MYO18B: variants seen among roughly 807,000 people sequenced by gnomAD.
MYO18B encodes the protein myosin XVIIIB.
A neutral mutation model predicts 273.0 loss-of-function variants in MYO18B; 204 were observed. That is an observed-to-expected ratio of 0.75 (90% confidence interval 0.67 to 0.84). MYO18B has a LOEUF of 0.84. MYO18B is among the 40% of genes least tolerant of loss of function. The pLI, the probability that MYO18B is intolerant of heterozygous loss-of-function variation, is 0.00. For synonymous variants in MYO18B, 1,330 were observed against 1,305.7 expected (o/e 1.02, Z -0.40); for missense variants, 3,212 against 3,287.6 (o/e 0.98, Z 0.56).
intron 42 of MYO18B, among the ~76,000 whole-genome samples, chr22:26,010,530 C>A (rs1047798836): frequency 3.3e-5 from 5 of 152,198 alleles, no homozygotes; most frequent in African/African-American, 1.2e-4. Flanking sequence ...CTCAGCCCCT[C>A]CACCGTTAAA....
At chr22:25,904,072 TC>T (rs570211742) in intron 31 of MYO18B, among the ~76,000 whole-genome samples, 67 of 152,300 alleles carry the variant, frequency 4.4e-4, no homozygotes, top group African/African-American at 1.5e-3. Context: ...TGCAAATAGC[TC>T]CCACTAGGTT....
chr22:25,898,333 C>T lies in MYO18B; in HGVS notation c.4695C>T (p.Asp1565=), dbSNP rs774794668. The T allele has an allele frequency of 3.8e-5, 61 of 1,613,628 alleles. No individual in the cohort carries two copies. The highest frequency in any genetic ancestry group is 1.5e-4 in the African/African-American group (11 of 74,884). The change falls in exon 29 of 44, where the codon GAC becomes GAT. Residue 1565 remains aspartate, a synonymous_variant. Coordinates refer to ENST00000335473, the MANE Select transcript of MYO18B (RefSeq NM_032608.7). The part of the protein sequence containing the change: ...QKLGELQSAY[D]GAKKMAHQLK... ...TTGGGGAGTTGCAAAGTGCTTATGACGGGGCCAAGAAGATGGCTCACCAAC... is the reference window on the plus strand; with the variant it reads ...TTGGGGAGTTGCAAAGTGCTTATGATGGGGCCAAGAAGATGGCTCACCAAC...
At chr22:26,039,331 A>G in the MYO18B span, among the ~76,000 whole-genome samples, 2 of 152,118 alleles carry the variant, frequency 1.3e-5, no homozygotes, top group African/African-American at 2.4e-5. Flanking sequence ...CAATCCTAGC[A>G]TGATCTTTCT....
chr22:25,803,892 A>G (rs2088331795), intron 12 of MYO18B, among the ~76,000 whole-genome samples: 1 of 150,162 alleles, frequency 6.7e-6, no homozygotes, highest in African/African-American at 2.5e-5. Flanking sequence ...CTAGCCAATT[A>G]CTCTGAACTT....
At chr22:25,865,742 T>C (rs911347216) in intron 21 of MYO18B, among the ~76,000 whole-genome samples, 2 of 152,122 alleles carry the variant, frequency 1.3e-5, no homozygotes, top group African/African-American at 2.4e-5. Flanking sequence ...TGATTTTTTT[T>C]CCCCCAAAAC....
the MYO18B span, among the ~76,000 whole-genome samples, chr22:26,039,151 A>G: frequency 6.6e-6 from 1 of 152,150 alleles, no homozygotes; most frequent in Non-Finnish European, 1.5e-5. Context: ...AGCTGATTAG[A>G]TGGTGCCCAG....
intron 21 of MYO18B, among the ~76,000 whole-genome samples, chr22:25,858,276 A>G (rs1042806015): frequency 1.3e-5 from 2 of 152,234 alleles, no homozygotes; most frequent in African/African-American, 4.8e-5. Context: ...GACCATAGGC[A>G]ACATATAGTA....
chr22:25,846,895 C>T (rs1015781055), intron 19 of MYO18B, among the ~76,000 whole-genome samples: 1 of 152,100 alleles, frequency 6.6e-6, no homozygotes, highest in African/African-American at 2.4e-5. Flanking sequence ...GCCTGGCCAA[C>T]ATGGTGAAAC....
intron 34 of MYO18B, among the ~76,000 whole-genome samples, chr22:25,934,521 T>C (rs2092551939): frequency 6.6e-6 from 1 of 152,120 alleles, no homozygotes; most frequent in Non-Finnish European, 1.5e-5. Flanking sequence ...GTTGAGGACG[T>C]GCGCCTGTGA....
chr22:25,886,788 G>A (rs2091513317), intron 25 of MYO18B, among the ~76,000 whole-genome samples: 3 of 152,174 alleles, frequency 2.0e-5, no homozygotes, highest in African/African-American at 7.2e-5. Context: ...GCCAGGTGCT[G>A]GGAATCAGGC....
At chr22:25,761,340 A>AC (rs199920864) in intron 2 of MYO18B, among the ~76,000 whole-genome samples, 1,009 of 98,270 alleles carry the variant, frequency 0.01, 13 homozygotes, top group African/African-American at 0.052. Flanking sequence ...CATACCCTTG[A>AC]CGCCCCCCCG....
chr22:25,819,987 GT>G (rs1434891680), intron 12 of MYO18B, among the ~76,000 whole-genome samples: 3 of 25,770 alleles, frequency 1.2e-4, no homozygotes, highest in Admixed American at 4.3e-4. Context: ...CTTTTCAACT[GT>G]AAAAGTCATG....
chr22:25,954,262 C>G (rs187498161), intron 38 of MYO18B, among the ~76,000 whole-genome samples: 2 of 152,126 alleles, frequency 1.3e-5, no homozygotes, highest in South Asian at 2.1e-4. Context: ...CCCCATCCCC[C>G]CTGCCACCAG....
intron 35 of MYO18B, among the ~76,000 whole-genome samples, chr22:25,946,948 T>A (rs1004795387): frequency 6.6e-6 from 1 of 152,302 alleles, no homozygotes; most frequent in Middle Eastern, 3.4e-3. Flanking sequence ...GAATTGGATG[T>A]AGGTTTCCAA....
In MYO18B at chr22:25,797,736, C is replaced by G. The variant is rs1002243819; in HGVS notation, c.2377-217C>G. On this transcript the variant is annotated intron_variant, in intron 11 of 43. Coordinates refer to ENST00000335473, the MANE Select transcript of MYO18B (RefSeq NM_032608.7). ...GCGTGCACACATGAAGGAATAAAAG[C>G]CACACTGCATTTCAAAGTCAGAGAA... is the stretch of plus-strand genomic sequence containing the variant. Among the ~76,000 whole-genome samples, 8 of 152,162 alleles carry G rather than the reference C, an allele frequency of 5.3e-5. No homozygotes were observed. In the East Asian group the frequency reaches 1.3e-3, roughly 26 times the overall value.
In MYO18B at chr22:25,769,259, C is replaced by A. The variant is rs1400581328; in HGVS notation, c.1343C>A (p.Pro448His). The A allele has an allele frequency of 6.3e-7, 1 of 1,593,186 alleles. No homozygotes were observed. The highest frequency in any genetic ancestry group is 1.8e-5 in the Admixed American group (1 of 56,088). The change falls in exon 4 of 44, where the codon CCC (proline) becomes CAC (histidine). Residue 448 changes from proline (P) to histidine (H), a missense_variant. Transcript: ENST00000335473. ...PGSRGQEAEE[P>H]CSRAGDGAGA... Reference sequence around the variant, plus strand: ...AGCCGTGGGCAGGAAGCAGAGGAGCCCTGCTCAAGAGCAGGTGATGGGGCT... The same window carrying A: ...AGCCGTGGGCAGGAAGCAGAGGAGCACTGCTCAAGAGCAGGTGATGGGGCT...
intron 40 of MYO18B, among the ~76,000 whole-genome samples, chr22:25,999,145 G>A (rs1016834479): frequency 3.3e-5 from 5 of 152,182 alleles, no homozygotes; most frequent in Admixed American, 2.0e-4. Context: ...GAGAAGTCAA[G>A]AAAGTTGCCC....
intron 12 of MYO18B, among the ~76,000 whole-genome samples, chr22:25,808,095 C>T (rs2088566900): frequency 6.6e-6 from 1 of 152,054 alleles, no homozygotes; most frequent in African/African-American, 2.4e-5. Context: ...TTACCAGTGC[C>T]CCCGACCATT....
intron 32 of MYO18B, among the ~76,000 whole-genome samples, chr22:25,909,339 A>G (rs368476360): frequency 2.6e-5 from 4 of 152,288 alleles, no homozygotes; most frequent in African/African-American, 4.8e-5. Context: ...CTTGCTTGAT[A>G]TATAGTTTTG....
Sources: allele counts gnomAD v4.1 joint callset (sites outside exome capture counted in the v4.1 genomes callset), GRCh38; gene constraint gnomAD v4.1.1; transcripts MANE v1.5; gene names NCBI Gene and HGNC (gene_info 2026-07-23, HGNC 2026-07-21).